The following THSD4 variants were observed in gnomAD, a reference collection of about 807,000 sequenced individuals.
The protein encoded by THSD4 is thrombospondin type 1 domain containing 4, also known as thrombospondin type-1 domain-containing protein 4.
A neutral mutation model predicts 119.0 loss-of-function variants in THSD4; 69 were observed. The observed-to-expected ratio is 0.58, with a 90% CI of 0.48 to 0.71. The LOEUF (loss-of-function observed/expected upper bound fraction) is 0.71, where lower values mean the gene tolerates loss of function less well. Among genes scored for constraint, THSD4 ranks in the 30% least tolerant of loss-of-function variants. THSD4 has a pLI of 0.00. For missense variants in THSD4, 1,393 were observed against 1,391.1 expected, an observed-to-expected ratio of 1.00 and a Z score of -0.02; for synonymous variants, 524 against 540.4, an observed-to-expected ratio of 0.97 and a Z score of 0.42.
At chr15:71,742,205 GT>G (rs1207318294) in intron 11 of THSD4, among the ~76,000 whole-genome samples, 1 of 152,174 alleles carries the variant, frequency 6.6e-6, no homozygotes, top group African/African-American at 2.4e-5. Context: ...ACACAGTTCT[GT>G]GCTTTTCATG....
chr15:71,542,278 G>A (rs1379792675), intron 7 of THSD4, among the ~76,000 whole-genome samples: 1 of 152,146 alleles, frequency 6.6e-6, no homozygotes, highest in South Asian at 2.1e-4. Context: ...TTATGAATTT[G>A]TGATGGTTTT....
At chr15:71,447,871 AT>A (rs1422890305) in intron 7 of THSD4, among the ~76,000 whole-genome samples, 3 of 152,156 alleles carry the variant, frequency 2.0e-5, no homozygotes, top group African/African-American at 7.2e-5. Flanking sequence ...ATGTCACTGC[AT>A]GTTCTCATGA....
At chr15:71,415,166 A>G (rs2046742750) in intron 7 of THSD4, among the ~76,000 whole-genome samples, 1 of 152,268 alleles carries the variant, frequency 6.6e-6, no homozygotes, top group Admixed American at 6.5e-5. Context: ...GTTGAAAGAA[A>G]TAGCCAGGCT....
At chr15:71,190,982 G>C (rs2043666773) in intron 3 of THSD4, among the ~76,000 whole-genome samples, 1 of 152,082 alleles carries the variant, frequency 6.6e-6, no homozygotes, top group Admixed American at 6.6e-5. Flanking sequence ...GCTCTTTGTG[G>C]AAGTCACCAA....
intron 6 of THSD4, among the ~76,000 whole-genome samples, chr15:71,270,200 A>G (rs1387658983): frequency 2.6e-5 from 4 of 152,244 alleles, no homozygotes; most frequent in African/African-American, 9.6e-5. Context: ...ACTTCAAACT[A>G]TACTACAAGG....
intron 7 of THSD4, among the ~76,000 whole-genome samples, chr15:71,610,805 A>G (rs557316365): frequency 1.3e-5 from 2 of 152,200 alleles, no homozygotes; most frequent in Admixed American, 1.3e-4. Context: ...CATTCTCCAG[A>G]TATAAATTGG....
At chr15:71,773,169 C>T (rs1009276231) in intron 17 of THSD4, among the ~76,000 whole-genome samples, 3 of 140,884 alleles carry the variant, frequency 2.1e-5, no homozygotes, top group African/African-American at 8.3e-5. Context: ...CCACTGCACT[C>T]CAGCCTAGGA....
At chr15:71,273,115 T>C (rs1467134905) in intron 6 of THSD4, among the ~76,000 whole-genome samples, 1 of 152,192 alleles carries the variant, frequency 6.6e-6, no homozygotes, top group Non-Finnish European at 1.5e-5. Flanking sequence ...GCAGCGTTAT[T>C]CACATGCCAA....
At chr15:71,659,114 AG>A (rs1267927047) in intron 7 of THSD4, among the ~76,000 whole-genome samples, 7 of 152,242 alleles carry the variant, frequency 4.6e-5, no homozygotes. Context: ...TTAGAATTCA[AG>A]AAAGAGGACA....
At chr15:71,695,108 A>G (rs891492776) in intron 8 of THSD4, among the ~76,000 whole-genome samples, 3 of 152,244 alleles carry the variant, frequency 2.0e-5, no homozygotes. Context: ...GGGAAGAACT[A>G]GAACTCTGCT....
upstream of THSD4, chr15:71,112,179 C>T (rs2040310210): frequency 6.2e-7 from 1 of 1,613,748 alleles, no homozygotes; most frequent in Non-Finnish European, 8.5e-7. Context: ...AGGCTGGGAA[C>T]CACAGGAGAA....
intron 6 of THSD4, among the ~76,000 whole-genome samples, chr15:71,334,720 C>T (rs2045470145): frequency 1.3e-5 from 2 of 152,214 alleles, no homozygotes; most frequent in Admixed American, 6.5e-5. Flanking sequence ...CAGCCTCCCT[C>T]TCTCTAGTTC....
chr15:71,302,798 C>T (rs2044970248), intron 6 of THSD4, among the ~76,000 whole-genome samples: 1 of 152,010 alleles, frequency 6.6e-6, no homozygotes, highest in Admixed American at 6.5e-5. Flanking sequence ...CTGAATGGTA[C>T]ACACCTTCCC....
chr15:71,328,253 T>G (rs1386554541), intron 6 of THSD4, among the ~76,000 whole-genome samples: 1 of 152,206 alleles, frequency 6.6e-6, no homozygotes, highest in East Asian at 1.9e-4. Context: ...AGTGGCCACT[T>G]GGGGATCTCC....
At chr15:71,401,324 CA>C (rs2046529360) in intron 6 of THSD4, among the ~76,000 whole-genome samples, 1 of 152,268 alleles carries the variant, frequency 6.6e-6, no homozygotes, top group Non-Finnish European at 1.5e-5. Context: ...TTAATAACTG[CA>C]CAGAAGGATT....
At chr15:71,542,569 A>G (rs552014065) in intron 7 of THSD4, among the ~76,000 whole-genome samples, 46 of 152,032 alleles carry the variant, frequency 3.0e-4, no homozygotes, top group African/African-American at 1.1e-3. Context: ...TCTAATCATG[A>G]AAAAAACGTT....
At chr15:71,252,339 C>T (rs964822325) in intron 5 of THSD4, among the ~76,000 whole-genome samples, 2 of 152,238 alleles carry the variant, frequency 1.3e-5, no homozygotes, top group South Asian at 4.1e-4. Flanking sequence ...TGGAAGTTTT[C>T]ACTTCAGAGA....
intron 6 of THSD4, among the ~76,000 whole-genome samples, chr15:71,355,312 A>T (rs2045794612): frequency 6.6e-6 from 1 of 152,084 alleles, no homozygotes; most frequent in South Asian, 2.1e-4. Flanking sequence ...GCTCTTCTTT[A>T]TTTGAAATTG....
chr15:71,141,922 G>A (rs1380275950), intron 2 of THSD4, among the ~76,000 whole-genome samples: 1 of 152,114 alleles, frequency 6.6e-6, no homozygotes, highest in Non-Finnish European at 1.5e-5. Context: ...TGGCCAACGT[G>A]GTGAAACCCC....
Sources: gnomAD v4.1 joint callset for allele counts (sites outside exome capture counted in the v4.1 genomes callset) on GRCh38, gnomAD v4.1.1 for gene constraint, MANE v1.5 for transcripts, NCBI Gene and HGNC (gene_info 2026-07-23, HGNC 2026-07-21) for gene names.